Variants in NCOR2 observed in about 807,000 individuals in gnomAD.
The protein encoded by NCOR2 is nuclear receptor corepressor 2.
NCOR2 carries 81 observed loss-of-function variants against 262.9 expected under a neutral mutation model. The observed-to-expected ratio is 0.31, with a 90% CI of 0.26 to 0.37. The LOEUF is 0.37. Ranked by LOEUF, NCOR2 falls within the 10% of genes least tolerant of loss-of-function variation. The pLI, the probability that NCOR2 is intolerant of heterozygous loss-of-function variation, is 1.00. For synonymous variants in NCOR2, 1,659 were observed against 1,559.3 expected (o/e 1.06, Z -1.51); for missense variants, 3,385 against 3,621.4 (o/e 0.93, Z 1.68).
intron 8 of NCOR2, 98 bp from the exon 11 acceptor site, chr12:124,430,885 T>C (rs59053140): frequency 0.15 from 221,247 of 1,431,516 alleles, 20,109 homozygotes; most frequent in African/African-American, 0.37. Flanking sequence ...CACAGGTGCG[T>C]GCGCACACAC....
intron 20 of NCOR2, among the ~76,000 whole-genome samples, chr12:124,369,483 C>T (rs2039312419): frequency 6.6e-6 from 1 of 152,008 alleles, no homozygotes; most frequent in Admixed American, 6.5e-5. Context: ...CCCGCCCGTC[C>T]CACCAGCCCT....
chr12:124,461,658 C>G (rs575382436), intron 5 of NCOR2, among the ~76,000 whole-genome samples: 1 of 152,366 alleles, frequency 6.6e-6, no homozygotes, highest in East Asian at 1.9e-4. Flanking sequence ...CAAGTGAACA[C>G]ATGATGTAAC....
chr12:124,489,187 G>A (rs1001159354), intron 1 of NCOR2, among the ~76,000 whole-genome samples: 17 of 152,044 alleles, frequency 1.1e-4, no homozygotes, highest in South Asian at 2.1e-4. Flanking sequence ...GCTGGAATAC[G>A]CCCAGGCTGG....
At position 124,523,761 on chromosome 12, in the gene NCOR2, T is replaced by C. The variant is rs886342392; in HGVS notation, c.-118+11804A>G. On this transcript the variant is annotated intron_variant, in intron 1 of 46. Coordinates refer to the NCOR2 transcript ENST00000404621. This position sits in a 1 kb window ranked among gnomAD's most constrained non-coding sequence, Gnocchi z 4.0. ...ACAAGCTTGCCTTACAACAATCCTATGGGGTGCTGTCATACCCATTCCATT... is the reference window on the plus strand; with the variant it reads ...ACAAGCTTGCCTTACAACAATCCTACGGGGTGCTGTCATACCCATTCCATT... 6.6e-6 allele frequency among the ~76,000 whole-genome samples: 1 copy of C among 152,180 alleles called. No homozygotes were observed. The highest frequency in any genetic ancestry group is 1.5e-5 in the Non-Finnish European group (1 of 68,036).
exon 20 of NCOR2, chr12:124,372,271 A>C (rs1438505172): frequency 6.4e-7 from 1 of 1,569,814 alleles, no homozygotes; most frequent in South Asian, 1.2e-5. Context: ...CCCTGTGTCC[A>C]CTGCCAGCTC....
At chr12:124,414,631 C>T (rs1299157415) in intron 13 of NCOR2, among the ~76,000 whole-genome samples, 1 of 152,236 alleles carries the variant, frequency 6.6e-6, no homozygotes, top group Non-Finnish European at 1.5e-5. Flanking sequence ...CTGCTGCCCT[C>T]CAGGTAAACA....
At chr12:124,555,202 G>A (rs1049310178) in intron 1 of NCOR2, among the ~76,000 whole-genome samples, 1 of 152,208 alleles carries the variant, frequency 6.6e-6, no homozygotes, top group Non-Finnish European at 1.5e-5. Flanking sequence ...AACCCATGTG[G>A]TGCCAAGCGA....
Position 124,503,893 on chromosome 12 carries a change from C to T in NCOR2, c.-117-8525G>A, listed in dbSNP as rs761479033. On this transcript the variant is annotated intron_variant, in intron 1 of 46. Coordinates refer to the NCOR2 transcript ENST00000404621. This position sits in a 1 kb window ranked among gnomAD's most constrained non-coding sequence, Gnocchi z 4.3. Reference sequence around the variant, plus strand: ...TCCCCAGGGCCAAGCATGTCTTCATCCTGCTAATATTCCCAGGCCCTCCCA... The same window carrying T: ...TCCCCAGGGCCAAGCATGTCTTCATTCTGCTAATATTCCCAGGCCCTCCCA... 8.5e-5 allele frequency among the ~76,000 whole-genome samples: 13 copies of T among 152,188 alleles called. No individual in the cohort carries two copies. Among genetic ancestry groups the T allele is most frequent in the Non-Finnish European group, 1.2e-4 (8 of 68,048 alleles).
Position 124,545,710 on chromosome 12 carries a change from G to A in NCOR2, c.-164-10099C>T, listed in dbSNP as rs971526177. 2.0e-5 allele frequency among the ~76,000 whole-genome samples: 3 copies of A among 152,172 alleles called. No individual in the cohort carries two copies. The South Asian group carries it at 6.2e-4, about 32-fold the overall frequency. ...ACGCAGCAGAAACTGAAACAGCCCA[G>A]TGGCCCCACATACTCCACAGAGTGA... On this transcript the variant is annotated intron_variant, in intron 1 of 32. Coordinates refer to the NCOR2 transcript ENST00000458234.
chr12:124,403,591 C>T lies in NCOR2; in HGVS notation c.1483-1030G>A, dbSNP rs552531625. On this transcript the variant is annotated intron_variant, in intron 13 of 46. Coordinates refer to ENST00000405201, the Ensembl canonical transcript of NCOR2. ...CATCTTTCCATCCCTCTGAGCCAAGCGAAATAAAAATAAACCCCAAAGCCT... is the reference window on the plus strand; with the variant it reads ...CATCTTTCCATCCCTCTGAGCCAAGTGAAATAAAAATAAACCCCAAAGCCT... Among the ~76,000 whole-genome samples, 38 of 152,272 alleles carry T rather than the reference C, an allele frequency of 2.5e-4. No homozygotes were observed. In the East Asian group the frequency reaches 2.7e-3, roughly 11 times the overall value.
chr12:124,503,737 CGGATGGATGCATGGATGCAT>C lies in NCOR2; in HGVS notation c.-117-8389_-117-8370del, dbSNP rs1375278254. On this transcript the variant is annotated intron_variant, in intron 1 of 46. Coordinates refer to the NCOR2 transcript ENST00000404621. The surrounding 1 kb of genome is among the most constrained non-coding windows in gnomAD (Gnocchi z 4.3). The stretch of plus-strand genomic sequence containing the variant: ...ACAGACGAATGGATGGATGGATGGA[CGGATGGATGCATGGATGCAT>C]GGATGGATGGATGGATGGATGGGCG... Among the ~76,000 whole-genome samples the C allele has an allele frequency of 6.9e-6, 1 of 144,942 alleles. No individual in the cohort carries two copies. Among genetic ancestry groups the C allele is most frequent in the Non-Finnish European group, 1.5e-5 (1 of 66,060 alleles).
chr12:124,365,856 G>A (rs992759399), intron 20 of NCOR2, among the ~76,000 whole-genome samples: 1 of 152,048 alleles, frequency 6.6e-6, no homozygotes, highest in Non-Finnish European at 1.5e-5. Context: ...TCAAGGTACA[G>A]ACAAGGTACC....
In NCOR2 at chr12:124,504,779, A is replaced by G. The variant is rs183072059; in HGVS notation, c.-117-9411T>C. 7.9e-5 allele frequency among the ~76,000 whole-genome samples: 12 copies of G among 152,380 alleles called. No homozygotes were observed. The East Asian group carries it at 2.3e-3, about 29-fold the overall frequency. On this transcript the variant is annotated intron_variant, in intron 1 of 46. Coordinates refer to the NCOR2 transcript ENST00000404621. The surrounding 1 kb of genome is among the most constrained non-coding windows in gnomAD (Gnocchi z 4.5). ...GGCACAAAAGGCAAAGAAGCCGCTC[A>G]GAAAGGCCACGCACTGCATGATTCC...
At chr12:124,510,917 G>A (rs771020464) in intron 1 of NCOR2, among the ~76,000 whole-genome samples, 5 of 152,124 alleles carry the variant, frequency 3.3e-5, no homozygotes, top group Admixed American at 6.5e-5. Context: ...ATCAGAACCC[G>A]GAATCTGGAC....
At chr12:124,372,257 C>A in exon 20 of NCOR2, 2 of 1,585,168 alleles carry the variant, frequency 1.3e-6, no homozygotes, top group Non-Finnish European at 1.7e-6. Context: ...GGCTCCTCGG[C>A]CTTCCCTGTG....
At chr12:124,336,911 G>A in exon 38 of NCOR2, 2 of 1,595,964 alleles carry the variant, frequency 1.3e-6, no homozygotes, top group African/African-American at 1.3e-5. Context: ...GGCGTGGCCA[G>A]AGACAGGAGG....
chr12:124,365,622 T>C (rs11837649), intron 20 of NCOR2, among the ~76,000 whole-genome samples: 21,684 of 152,186 alleles, frequency 0.14, 1,799 homozygotes, highest in African/African-American at 0.21. Flanking sequence ...CGGTGATGCC[T>C]GCTTAGGCTG....
chr12:124,339,219 A>ACCCC (rs1555300759), intron 37 of NCOR2, among the ~76,000 whole-genome samples: 11 of 63,312 alleles, frequency 1.7e-4, no homozygotes, highest in African/African-American at 2.2e-4. Context: ...TCTACCTACC[A>ACCCC]CCCACCCACC....
At chr12:124,365,443 C>T (rs2038953417) in intron 20 of NCOR2, among the ~76,000 whole-genome samples, 1 of 152,228 alleles carries the variant, frequency 6.6e-6, no homozygotes, top group South Asian at 2.1e-4. Context: ...TGCAGATGAG[C>T]AGGGCCGATG....
Sources: allele counts gnomAD v4.1 joint callset (sites outside exome capture counted in the v4.1 genomes callset), GRCh38; gene constraint gnomAD v4.1.1; non-coding constraint Gnocchi (gnomAD v3.1); transcripts MANE v1.5; gene names NCBI Gene and HGNC (gene_info 2026-07-23, HGNC 2026-07-21).